Variants in PRPF6 observed in about 807,000 individuals in gnomAD.
PRPF6 encodes pre-mRNA-processing factor 6.
A neutral mutation model predicts 118.3 loss-of-function variants in PRPF6; 42 were observed. That is an observed-to-expected ratio of 0.35 (90% CI 0.28 to 0.46). The LOEUF (loss-of-function observed/expected upper bound fraction) is 0.46, where lower values mean the gene tolerates loss of function less well. Among genes scored for constraint, PRPF6 ranks in the 20% least tolerant of loss-of-function variants. The pLI is 1.00. For missense variants in PRPF6, 662 were observed against 1,255.7 expected (o/e 0.53, Z 7.15); for synonymous variants, 481 against 485.1 (o/e 0.99, Z 0.11).
At chr20:63,999,229 T>A in intron 7 of PRPF6, 90 bp downstream of exon 7, 1 of 1,070,530 alleles carries the variant, frequency 9.3e-7, no homozygotes, top group South Asian at 1.3e-5. Context: ...GCTGTCAAAA[T>A]GGGACATGGC....
At position 64,011,524 on chromosome 20, in the gene PRPF6, G is replaced by T; in HGVS notation, c.1524+21G>T. 1 of 1,601,746 alleles carries T rather than the reference G, an allele frequency of 6.2e-7. No homozygotes were observed. Among genetic ancestry groups the T allele is most frequent in the South Asian group, 1.1e-5 (1 of 89,928 alleles). Reference sequence around the variant, plus strand: ...TCCAGGTGGGCCGCAGGCGGGTGTCGTGGTGTCTGCTTTAACAGTGCACAT... The same window carrying T: ...TCCAGGTGGGCCGCAGGCGGGTGTCTTGGTGTCTGCTTTAACAGTGCACAT... On this transcript the variant is annotated intron_variant, in intron 11 of 20. Coordinates refer to ENST00000266079, the MANE Select transcript of PRPF6 (RefSeq NM_012469.4). The surrounding 1 kb of genome is among the most constrained non-coding windows in gnomAD (Gnocchi z 6.7).
At chr20:64,016,947 T>TC in intron 12 of PRPF6, 102 bp downstream of exon 12, 1 of 1,530,632 alleles carries the variant, frequency 6.5e-7, no homozygotes, top group East Asian at 2.4e-5. Flanking sequence ...CTCTTTTTTT[T>TC]TTTTTTTAAA....
At chr20:64,032,111 T>A in intron 20 of PRPF6, 67 bp downstream of exon 20, 1 of 1,609,264 alleles carries the variant, frequency 6.2e-7, no homozygotes, top group Non-Finnish European at 8.5e-7. Context: ...CCGCCAGCCC[T>A]GGGGGCTCTA....
At chr20:64,020,359 G>T (rs2059257161) in intron 12 of PRPF6, among the ~76,000 whole-genome samples, 2 of 152,080 alleles carry the variant, frequency 1.3e-5, no homozygotes, top group African/African-American at 4.8e-5. Flanking sequence ...GAGGTTTCAG[G>T]GAGCTGAGAT....
rs529809436 is a variant in PRPF6 at position 64,000,827 on chromosome 20, A to G, written c.1024-250A>G. ...CATGATCCACCTGCCTCGGCCTCCC[A>G]AAGGGCTGGGATTACAGGCGTGAGC... On this transcript the variant is annotated intron_variant, in intron 8 of 20. Coordinates refer to ENST00000266079, the MANE Select transcript of PRPF6 (RefSeq NM_012469.4). Among the ~76,000 whole-genome samples the G allele has an allele frequency of 3.9e-5, 6 of 152,248 alleles. No homozygotes were observed. In the South Asian group the frequency reaches 1.2e-3, roughly 32 times the overall value.
In PRPF6 at chr20:63,983,474, T is replaced by G. The variant is rs187448610; in HGVS notation, c.240+259T>G. On this transcript the variant is annotated intron_variant, in intron 2 of 20. Coordinates refer to ENST00000266079, the MANE Select transcript of PRPF6 (RefSeq NM_012469.4). ...GCATTTTCTATTGCCCAGTCTTTTTTTTTTTTGAGACGGAATTTCGCTCTT... is the reference window on the plus strand; with the variant it reads ...GCATTTTCTATTGCCCAGTCTTTTTGTTTTTTGAGACGGAATTTCGCTCTT... Among the ~76,000 whole-genome samples the G allele has an allele frequency of 1.5e-3, 220 of 151,666 alleles. 9 individuals carry two copies. The highest frequency in any genetic ancestry group is 5.0e-3 in the African/African-American group (208 of 41,254).
chr20:64,016,460 T>C (rs532806181), intron 11 of PRPF6, among the ~76,000 whole-genome samples: 199 of 152,290 alleles, frequency 1.3e-3, no homozygotes, highest in African/African-American at 4.6e-3. Flanking sequence ...ATAAAAAGGC[T>C]TTACATTTCT....
intron 19 of PRPF6, among the ~76,000 whole-genome samples, chr20:64,030,095 G>T (rs1237797329): frequency 6.6e-6 from 1 of 152,256 alleles, no homozygotes; most frequent in Non-Finnish European, 1.5e-5. Context: ...GCACATGTGG[G>T]CAAAGACCCG....
chr20:63,985,176 C>A, intron 3 of PRPF6, 151 bp downstream of exon 3: 2 of 618,908 alleles, frequency 3.2e-6, no homozygotes, highest in Non-Finnish European at 5.8e-6. Flanking sequence ...CCAGTGTGGG[C>A]AACGTAGGGA....
At chr20:64,008,249 G>A (rs139524377) in intron 9 of PRPF6, among the ~76,000 whole-genome samples, 9 of 152,194 alleles carry the variant, frequency 5.9e-5, no homozygotes, top group East Asian at 1.9e-4. Flanking sequence ...GTCTTCTCTC[G>A]GTTTGTTGAT....
intron 3 of PRPF6, among the ~76,000 whole-genome samples, 141 bp from the exon 4 acceptor site, chr20:63,993,254 GTGTGTGTGTATA>G (rs2059126561): frequency 7.1e-6 from 1 of 140,086 alleles, no homozygotes. Flanking sequence ...GTGTGTGTGT[GTGTGTGTGTATA>G]TGTATATATA....
intron 12 of PRPF6, among the ~76,000 whole-genome samples, chr20:64,021,988 C>CTGTG (rs111363019): frequency 0.075 from 10,108 of 135,414 alleles, 409 homozygotes; most frequent in African/African-American, 0.13. Flanking sequence ...GGCCACAGCC[C>CTGTG]TGTGTGTGTG....
At chr20:64,015,628 A>AT (rs1179236973) in intron 11 of PRPF6, among the ~76,000 whole-genome samples, 1 of 152,206 alleles carries the variant, frequency 6.6e-6, no homozygotes, top group African/African-American at 2.4e-5. Flanking sequence ...TGTCACATGA[A>AT]TGCCTTAAAG....
At chr20:64,021,624 T>C (rs1222103136) in intron 12 of PRPF6, among the ~76,000 whole-genome samples, 1 of 145,912 alleles carries the variant, frequency 6.9e-6, no homozygotes, top group Non-Finnish European at 1.5e-5. Flanking sequence ...TGTGTGCGTG[T>C]GTTTGTGTGT....
rs546750354 is a variant in PRPF6, at chr20:63,992,936, G to T, written c.360-471G>T. Among the ~76,000 whole-genome samples, 17 of 151,902 alleles carry T rather than the reference G, an allele frequency of 1.1e-4. 1 individual carries two copies. The highest frequency in any genetic ancestry group is 2.4e-4 in the Non-Finnish European group (16 of 67,996). On this transcript the variant is annotated intron_variant, in intron 3 of 20. Transcript: ENST00000266079. ...GTTACCTTAAAATATATTTGATTTG[G>T]GCTGGGTGCGGTGGCTCACACCTGT...
Position 64,016,718 on chromosome 20 carries a change from T to C in PRPF6, c.1525-5T>C, listed in dbSNP as rs768542541. 6 of 1,613,920 alleles carry C rather than the reference T, an allele frequency of 3.7e-6. No individual in the cohort carries two copies. Among genetic ancestry groups the C allele is most frequent in the South Asian group, 1.1e-5 (1 of 91,084 alleles). ...TCACAAATAAGTTTTGTGTTCCTCT[T>C]TCAGGATGCCGAGGAATGTGACAGG... On this transcript the variant is annotated splice_polypyrimidine_tract_variant and splice_region_variant and intron_variant, in intron 11 of 20. Coordinates refer to ENST00000266079, the MANE Select transcript of PRPF6 (RefSeq NM_012469.4).
rs200467198 is a variant in PRPF6 at position 64,016,716 on chromosome 20, C to T, written c.1525-7C>T. On this transcript the variant is annotated splice_polypyrimidine_tract_variant and splice_region_variant and intron_variant, in intron 11 of 20. Coordinates refer to ENST00000266079, the MANE Select transcript of PRPF6 (RefSeq NM_012469.4). ...AATCACAAATAAGTTTTGTGTTCCT[C>T]TTTCAGGATGCCGAGGAATGTGACA... The T allele has an allele frequency of 1.9e-4, 314 of 1,613,910 alleles. No individual in the cohort carries two copies. Among genetic ancestry groups the T allele is most frequent in the Non-Finnish European group, 2.9e-5 (34 of 1,179,952 alleles).
At chr20:64,023,178 G>C (rs2059274084) in intron 13 of PRPF6, among the ~76,000 whole-genome samples, 1 of 152,250 alleles carries the variant, frequency 6.6e-6, no homozygotes, top group African/African-American at 2.4e-5. Flanking sequence ...CTTGAGGCTG[G>C]AGCCCGCGTG....
At position 64,001,059 on chromosome 20, in the gene PRPF6, T is replaced by G; in HGVS notation, c.1024-18T>G. 1 of 1,613,670 alleles carries G rather than the reference T, an allele frequency of 6.2e-7. No homozygotes were observed. The highest frequency in any genetic ancestry group is 8.5e-7 in the Non-Finnish European group (1 of 1,179,876). On this transcript the variant is annotated intron_variant, in intron 8 of 20. Coordinates refer to ENST00000266079, the MANE Select transcript of PRPF6 (RefSeq NM_012469.4). ...CAGCCTGCACTGAGCCTTATTGGTCTTATCTCTTGCCTCACAGAGTGAAGA... is the reference window on the plus strand; with the variant it reads ...CAGCCTGCACTGAGCCTTATTGGTCGTATCTCTTGCCTCACAGAGTGAAGA...
Sources: gnomAD v4.1 joint callset for allele counts (sites outside exome capture counted in the v4.1 genomes callset) on GRCh38, gnomAD v4.1.1 for gene constraint, Gnocchi (gnomAD v3.1) non-coding constraint, MANE v1.5 for transcripts, NCBI Gene and HGNC (gene_info 2026-07-23, HGNC 2026-07-21) for gene names.